Variants in NRXN1 observed in about 807,000 individuals in gnomAD.
NRXN1 encodes the protein neurexin 1, also known as neurexin-1.
A neutral mutation model predicts 150.9 loss-of-function variants in NRXN1; 39 were observed. The observed-to-expected ratio is 0.26, with a 90% CI of 0.20 to 0.34. The LOEUF is 0.34. Ranked by LOEUF, NRXN1 falls within the 10% of genes least tolerant of loss-of-function variation. The pLI, the probability that NRXN1 is intolerant of heterozygous loss-of-function variation, is 1.00. For synonymous variants in NRXN1, 924 were observed against 757.0 expected (o/e 1.22, Z -3.62); for missense variants, 1,815 against 1,949.9 (o/e 0.93, Z 1.30).
intron 5 of NRXN1, among the ~76,000 whole-genome samples, chr2:50,849,545 T>C (rs1401318983): frequency 2.6e-5 from 4 of 152,240 alleles, no homozygotes; most frequent in African/African-American, 7.2e-5. Context: ...TTAAGTTTTC[T>C]AATACTTTTC....
chr2:50,713,253 G>A (rs1421709783), intron 5 of NRXN1, among the ~76,000 whole-genome samples: 1 of 151,608 alleles, frequency 6.6e-6, no homozygotes, highest in Non-Finnish European at 1.5e-5. Context: ...AGCAGAGGTT[G>A]CAGTGAGCCG....
At chr2:50,216,604 T>C (rs994211150) in intron 18 of NRXN1, among the ~76,000 whole-genome samples, 2 of 151,558 alleles carry the variant, frequency 1.3e-5, no homozygotes. Context: ...ACAGATAGAG[T>C]TTTTTCTTTC....
chr2:49,965,906 T>C (rs1676886549), intron 21 of NRXN1, among the ~76,000 whole-genome samples: 1 of 152,198 alleles, frequency 6.6e-6, no homozygotes, highest in Admixed American at 6.5e-5. Flanking sequence ...AAAATATGTA[T>C]TGATATAAAG....
intron 18 of NRXN1, among the ~76,000 whole-genome samples, chr2:50,131,807 G>A (rs1705533803): frequency 6.6e-6 from 1 of 151,994 alleles, no homozygotes; most frequent in Non-Finnish European, 1.5e-5. Flanking sequence ...GACTTTTGTA[G>A]GAAAAAAACA....
At chr2:49,964,473 G>A (rs1043145596) in intron 21 of NRXN1, among the ~76,000 whole-genome samples, 2 of 151,830 alleles carry the variant, frequency 1.3e-5, no homozygotes, top group African/African-American at 2.4e-5. Flanking sequence ...CCAGCTACTC[G>A]GGAGGCTGAG....
At chr2:50,793,237 T>C (rs1326180192) in intron 5 of NRXN1, among the ~76,000 whole-genome samples, 1 of 152,142 alleles carries the variant, frequency 6.6e-6, no homozygotes, top group East Asian at 1.9e-4. Context: ...AAGCCCATCA[T>C]AGTTAATGGT....
At chr2:50,968,442 G>A (rs1411909845) in intron 2 of NRXN1, among the ~76,000 whole-genome samples, 3 of 151,840 alleles carry the variant, frequency 2.0e-5, no homozygotes, top group Non-Finnish European at 4.4e-5. Flanking sequence ...AATTCCACCA[G>A]TCCACCTCTA....
intron 5 of NRXN1, among the ~76,000 whole-genome samples, chr2:50,832,298 G>C (rs1002478871): frequency 1.3e-5 from 2 of 152,156 alleles, no homozygotes; most frequent in African/African-American, 2.4e-5. Flanking sequence ...CAGACTGAGT[G>C]AGAGCTTAAT....
At position 50,879,675 on chromosome 2, in the gene NRXN1, C is replaced by T. The variant is rs557735350; in HGVS notation, c.832+42194G>A. On this transcript the variant is annotated intron_variant, in intron 5 of 22. Coordinates refer to ENST00000401669, the MANE Select transcript of NRXN1 (RefSeq NM_001330078.2). ...TTGCCAAGTTCCTCTTTCTCAGTTT[C>T]GCCTGTGGTCTAGTCTGTGAACAGA... Among the ~76,000 whole-genome samples, 8 of 151,932 alleles carry T rather than the reference C, an allele frequency of 5.3e-5. 2 individuals are homozygous for T. Among genetic ancestry groups the T allele is most frequent in the African/African-American group, 1.9e-4 (8 of 41,494 alleles).
At chr2:50,728,080 T>C (rs534182138) in intron 5 of NRXN1, among the ~76,000 whole-genome samples, 7 of 152,294 alleles carry the variant, frequency 4.6e-5, no homozygotes, top group African/African-American at 1.7e-4. Flanking sequence ...ACAATATCCA[T>C]GATGCAAATA....
chr2:50,022,156 G>A (rs1687667607), intron 21 of NRXN1, among the ~76,000 whole-genome samples: 1 of 151,826 alleles, frequency 6.6e-6, no homozygotes, highest in Admixed American at 6.6e-5. Flanking sequence ...GCTAATTTTT[G>A]TATTTTTAGT....
chr2:50,360,140 GT>G (rs1214761674), intron 17 of NRXN1, among the ~76,000 whole-genome samples: 2 of 152,176 alleles, frequency 1.3e-5, no homozygotes, highest in African/African-American at 4.8e-5. Context: ...CCAGTTACCA[GT>G]CACTGTAATG....
rs150240942 is a variant in NRXN1 at position 50,107,230 on chromosome 2, G to A, written c.3547-15736C>T. 8.1e-4 allele frequency among the ~76,000 whole-genome samples: 118 copies of A among 146,008 alleles called. 1 individual carries two copies. The highest frequency in any genetic ancestry group is 3.0e-3 in the African/African-American group (117 of 39,352). ...ACTTTTAACCCAACTTAATTCTTTG[G>A]AAGGACATGCATTACTTCTGATACA... On this transcript the variant is annotated intron_variant, in intron 18 of 22. Coordinates refer to ENST00000401669, the MANE Select transcript of NRXN1 (RefSeq NM_001330078.2).
At chr2:50,206,262 CAA>C (rs1553758197) in intron 18 of NRXN1, among the ~76,000 whole-genome samples, 1 of 141,222 alleles carries the variant, frequency 7.1e-6, no homozygotes, top group Non-Finnish European at 1.6e-5. Context: ...CACACACACA[CAA>C]CAATTTTTTT....
chr2:50,203,253 G>A (rs2062315837), intron 18 of NRXN1, among the ~76,000 whole-genome samples: 1 of 152,114 alleles, frequency 6.6e-6, no homozygotes, highest in African/African-American at 2.4e-5. Flanking sequence ...GTTTTACAAA[G>A]CTAACAACAG....
chr2:50,728,264 G>T (rs1205515031), intron 5 of NRXN1, among the ~76,000 whole-genome samples: 1 of 152,104 alleles, frequency 6.6e-6, no homozygotes, highest in Non-Finnish European at 1.5e-5. Flanking sequence ...TCAGAAAACT[G>T]AGTCCCAGTC....
chr2:50,458,851 A>T (rs1395545912), intron 17 of NRXN1, among the ~76,000 whole-genome samples: 1 of 152,116 alleles, frequency 6.6e-6, no homozygotes, highest in Non-Finnish European at 1.5e-5. Context: ...AAGTGCTGGG[A>T]TTACAGGCAT....
At chr2:50,254,389 A>C (rs1430519242) in intron 17 of NRXN1, among the ~76,000 whole-genome samples, 1 of 151,178 alleles carries the variant, frequency 6.6e-6, no homozygotes, top group Non-Finnish European at 1.5e-5. Context: ...GATTTTTTGA[A>C]GAGTTTTTTT....
chr2:50,529,864 A>AT (rs535822363), intron 11 of NRXN1, among the ~76,000 whole-genome samples: 1 of 152,170 alleles, frequency 6.6e-6, no homozygotes, highest in Non-Finnish European at 1.5e-5. Context: ...TTAAAGTAGT[A>AT]TTTTTTTAAC....
Sources: allele counts gnomAD v4.1 joint callset (sites outside exome capture counted in the v4.1 genomes callset), GRCh38; gene constraint gnomAD v4.1.1; transcripts MANE v1.5; gene names NCBI Gene and HGNC (gene_info 2026-07-23, HGNC 2026-07-21).